EFCAB11: variants seen among roughly 807,000 people sequenced by gnomAD.
EFCAB11 encodes the protein EF-hand calcium-binding domain-containing protein 11.
A neutral mutation model predicts 23.0 loss-of-function variants in EFCAB11; 14 were observed. That is an observed-to-expected ratio of 0.61 (90% confidence interval 0.40 to 0.95). The LOEUF is 0.95. Ranked by LOEUF, EFCAB11 falls within the 40% of genes least tolerant of loss-of-function variation. The probability of loss-of-function intolerance (pLI) is 0.00; values close to 1 mark genes in which losing one functional copy is unlikely to be tolerated. For missense variants in EFCAB11, 198 were observed against 195.8 expected, an observed-to-expected ratio of 1.01 and a Z score of -0.07; for synonymous variants, 65 against 66.6, an observed-to-expected ratio of 0.98 and a Z score of 0.11.
chr14:89,906,944 G>A (rs575408633), intron 5 of EFCAB11, among the ~76,000 whole-genome samples: 21 of 152,238 alleles, frequency 1.4e-4, no homozygotes, highest in Non-Finnish European at 2.8e-4. Context: ...TTAGATCACT[G>A]TACTATTAAT....
intron 5 of EFCAB11, among the ~76,000 whole-genome samples, chr14:89,817,823 G>A (rs1272191144): frequency 6.6e-6 from 1 of 151,938 alleles, no homozygotes; most frequent in Non-Finnish European, 1.5e-5. Flanking sequence ...GCGAAACCCC[G>A]TCTCTACTAA....
chr14:89,797,974 AG>A (rs1885633077), intron 5 of EFCAB11, among the ~76,000 whole-genome samples: 1 of 152,138 alleles, frequency 6.6e-6, no homozygotes, highest in Non-Finnish European at 1.5e-5. Context: ...ATAACTGGTG[AG>A]TAGTGGTCCC....
Position 89,797,173 on chromosome 14 carries a change from A to T in EFCAB11, c.*70T>A. 7.2e-7 allele frequency: 1 copy of T among 1,384,584 alleles called. No individual in the cohort carries two copies. The highest frequency in any genetic ancestry group is 1.0e-6 in the Non-Finnish European group (1 of 990,856). The allele number at this position is 1,384,584 out of a possible 1,614,324, so 85.8% of individuals were successfully genotyped here. A position where few individuals can be genotyped will look rare whatever the true frequency, so the allele number is the denominator to read the frequency against. The stretch of plus-strand genomic sequence containing the variant: ...CACAAGTCTGTAGCATGACATCATT[A>T]GTAGAGTCGAGTCTGCTGACATTAC... On this transcript the variant is annotated 3_prime_UTR_variant, in exon 6 of 6. Coordinates refer to ENST00000316738, the MANE Select transcript of EFCAB11 (RefSeq NM_145231.4).
rs73324533 is a variant in EFCAB11, at chr14:89,949,318, G to A, written c.217+779C>T. On this transcript the variant is annotated intron_variant, in intron 3 of 5. Transcript: ENST00000316738. ...CACCAAAACCTTTCTTTTGGACAAC[G>A]GGAAACAAAATAAAGATGTGCTTAA... 3.9e-3 allele frequency among the ~76,000 whole-genome samples: 589 copies of A among 151,862 alleles called. 2 individuals carry two copies. Among genetic ancestry groups the A allele is most frequent in the African/African-American group, 0.014 (566 of 41,418 alleles).
intron 5 of EFCAB11, among the ~76,000 whole-genome samples, chr14:89,905,335 A>G (rs1283041655): frequency 6.6e-6 from 1 of 152,204 alleles, no homozygotes; most frequent in Admixed American, 6.5e-5. Flanking sequence ...AATGTTCCAC[A>G]TGTTAGGGAG....
At chr14:89,842,533 C>A (rs1049095895) in intron 5 of EFCAB11, among the ~76,000 whole-genome samples, 4 of 152,224 alleles carry the variant, frequency 2.6e-5, no homozygotes, top group African/African-American at 9.6e-5. Flanking sequence ...CGAGATCGTG[C>A]CACTGCACTC....
intron 5 of EFCAB11, among the ~76,000 whole-genome samples, chr14:89,917,657 T>C (rs1889893062): frequency 6.6e-6 from 1 of 152,130 alleles, no homozygotes; most frequent in African/African-American, 2.4e-5. Context: ...TTTGAGGTTA[T>C]GAAAACACTT....
intron 5 of EFCAB11, among the ~76,000 whole-genome samples, chr14:89,849,591 G>C (rs1001641744): frequency 1.4e-5 from 2 of 140,222 alleles, no homozygotes; most frequent in African/African-American, 2.6e-5. Flanking sequence ...CATTGCTTTT[G>C]TAACAAGGAA....
At chr14:89,931,198 G>A (rs1448712111) in intron 5 of EFCAB11, 2 of 208,516 alleles carry the variant, frequency 9.6e-6, no homozygotes, top group Non-Finnish European at 1.9e-5. Context: ...GAGGACACCA[G>A]CATCCATGCT....
intron 5 of EFCAB11, among the ~76,000 whole-genome samples, chr14:89,852,876 TCTC>T (rs1287360528): frequency 6.6e-6 from 1 of 152,158 alleles, no homozygotes; most frequent in African/African-American, 2.4e-5. Context: ...CATCCAGAAC[TCTC>T]CTCATCTTGG....
chr14:89,836,011 A>AT (rs533892386), intron 5 of EFCAB11, among the ~76,000 whole-genome samples: 32 of 152,108 alleles, frequency 2.1e-4, no homozygotes, highest in South Asian at 4.1e-4. Context: ...CAGGGCTAAG[A>AT]TTTTGCTAGG....
chr14:89,929,044 TACACAC>T (rs747390324), intron 5 of EFCAB11, among the ~76,000 whole-genome samples: 9 of 138,900 alleles, frequency 6.5e-5, no homozygotes, highest in African/African-American at 2.3e-4. Context: ...TATATATATA[TACACAC>T]ACACATATTT....
chr14:89,932,119 T>C (rs1890411567), intron 4 of EFCAB11, among the ~76,000 whole-genome samples: 2 of 151,838 alleles, frequency 1.3e-5, no homozygotes, highest in Admixed American at 6.6e-5. Flanking sequence ...GCCTAGGGGG[T>C]CTACAGCCAC....
intron 5 of EFCAB11, among the ~76,000 whole-genome samples, chr14:89,841,242 A>G (rs998686275): frequency 6.6e-5 from 10 of 152,048 alleles, no homozygotes; most frequent in Non-Finnish European, 8.8e-5. Flanking sequence ...GCTTCTCTCC[A>G]TATTTTCCCC....
chr14:89,833,050 C>G (rs912179593), intron 5 of EFCAB11: 2 of 152,128 alleles, frequency 1.3e-5, no homozygotes, highest in African/African-American at 4.8e-5. Flanking sequence ...AAATTGTTAC[C>G]ATATCATTTT....
intron 5 of EFCAB11, chr14:89,924,758 A>T (rs1415744707): frequency 1.4e-6 from 2 of 1,473,874 alleles, no homozygotes; most frequent in East Asian, 2.5e-5. Context: ...AAGCAAAGCC[A>T]CATGTGGCTA....
chr14:89,802,647 C>T (rs1277892471), intron 5 of EFCAB11, among the ~76,000 whole-genome samples: 1 of 152,172 alleles, frequency 6.6e-6, no homozygotes, highest in African/African-American at 2.4e-5. Flanking sequence ...CCTGCCTTGG[C>T]CTCCCATAGT....
chr14:89,812,358 T>C (rs1034126378), intron 5 of EFCAB11, among the ~76,000 whole-genome samples: 1 of 152,242 alleles, frequency 6.6e-6, no homozygotes, highest in Non-Finnish European at 1.5e-5. Context: ...ATGGGAAGAC[T>C]GAACATTGTA....
intron 5 of EFCAB11, among the ~76,000 whole-genome samples, chr14:89,872,838 T>C (rs1419165500): frequency 6.8e-6 from 1 of 148,074 alleles, no homozygotes; most frequent in Non-Finnish European, 1.5e-5. Context: ...ACCGTATCCT[T>C]ATAAGAAGAG....
Sources: gnomAD v4.1 joint callset for allele counts (sites outside exome capture counted in the v4.1 genomes callset) on GRCh38, gnomAD v4.1.1 for gene constraint, MANE v1.5 for transcripts, NCBI Gene and HGNC (gene_info 2026-07-23, HGNC 2026-07-21) for gene names.